Variants in WNT3A observed in about 807,000 individuals in gnomAD.
WNT3A encodes the protein protein Wnt-3a.
Under a neutral mutation model 37.0 loss-of-function variants are expected in WNT3A, and 17 were observed. The observed-to-expected ratio is 0.46, with a 90% confidence interval of 0.31 to 0.69. WNT3A has a LOEUF of 0.69. Among genes scored for constraint, WNT3A ranks in the 30% least tolerant of loss-of-function variants. The pLI is 0.05. For missense variants in WNT3A, 411 were observed against 510.2 expected, an observed-to-expected ratio of 0.81 and a Z score of 1.87; for synonymous variants, 187 against 211.0, an observed-to-expected ratio of 0.89 and a Z score of 0.99.
intron 2 of WNT3A, among the ~76,000 whole-genome samples, chr1:228,036,510 G>A (rs1363436664): frequency 6.6e-6 from 1 of 152,208 alleles, no homozygotes; most frequent in Non-Finnish European, 1.5e-5. Flanking sequence ...GACTGAGGCT[G>A]GGAGAAACCA....
At chr1:228,014,247 C>G (rs1372755204) in intron 1 of WNT3A, among the ~76,000 whole-genome samples, 1 of 152,148 alleles carries the variant, frequency 6.6e-6, no homozygotes, top group African/African-American at 2.4e-5. Context: ...GGTCCATTAC[C>G]CCATTTGACA....
intron 1 of WNT3A, among the ~76,000 whole-genome samples, chr1:228,020,811 G>A (rs1395997036): frequency 3.3e-5 from 5 of 152,138 alleles, no homozygotes. Context: ...GCGAGGTTAT[G>A]CACTCAAATG....
At position 228,060,596 on chromosome 1, in the gene WNT3A, T is replaced by A. The variant is rs962899225; in HGVS notation, c.*1131T>A. 3 of 243,762 alleles carry A rather than the reference T, an allele frequency of 1.2e-5. No individual in the cohort carries two copies. Among genetic ancestry groups the A allele is most frequent in the African/African-American group, 6.8e-5 (3 of 44,144 alleles). 15.1% of individuals were successfully genotyped at this position (243,762 alleles called of 1,614,324 possible). A position where few individuals can be genotyped will look rare whatever the true frequency, so the allele number is the denominator to read the frequency against. On this transcript the variant is annotated 3_prime_UTR_variant, in exon 4 of 4. Coordinates refer to ENST00000284523, the MANE Select transcript of WNT3A (RefSeq NM_033131.4). Reference sequence around the variant, plus strand: ...GGGCTCCCACACCGTCAGGTACTCCTGCCAGGGAACTGGCCTGCTGCGCCC... The same window carrying A: ...GGGCTCCCACACCGTCAGGTACTCCAGCCAGGGAACTGGCCTGCTGCGCCC...
rs1034424957 is a variant in WNT3A, at chr1:228,008,309, TATA to T, written c.71+1116_71+1118del. On this transcript the variant is annotated intron_variant, in intron 1 of 3. Coordinates refer to ENST00000284523, the MANE Select transcript of WNT3A (RefSeq NM_033131.4). This position sits in a 1 kb window ranked among gnomAD's most constrained non-coding sequence, Gnocchi z 4.9. ...TCCTTCTCCGACGGCAGCCTGGAAT[TATA>T]ATAATTACGCCGAGGGGAAGGGGGG... is the stretch of plus-strand genomic sequence containing the variant. Among the ~76,000 whole-genome samples, 8 of 152,182 alleles carry T rather than the reference TATA, an allele frequency of 5.3e-5. No homozygotes were observed. The highest frequency in any genetic ancestry group is 2.9e-5 in the Non-Finnish European group (2 of 68,034).
At chr1:228,023,982 C>T (rs1329598001) in intron 2 of WNT3A, among the ~76,000 whole-genome samples, 1 of 152,090 alleles carries the variant, frequency 6.6e-6, no homozygotes, top group Admixed American at 6.5e-5. Context: ...AGTTTCAGCA[C>T]TTCATTCCTG....
rs2031196103 is a variant in WNT3A, at chr1:228,038,515, C to T, written c.314-12141C>T. Reference sequence around the variant, plus strand: ...TTTGGGGCCACAGTGACCTGCAGGCCCCTGGCCAGTCTGGTCAGGTGGTCC... The same window carrying T: ...TTTGGGGCCACAGTGACCTGCAGGCTCCTGGCCAGTCTGGTCAGGTGGTCC... On this transcript the variant is annotated intron_variant, in intron 2 of 3. Coordinates refer to ENST00000284523, the MANE Select transcript of WNT3A (RefSeq NM_033131.4). This position sits in a 1 kb window ranked among gnomAD's most constrained non-coding sequence, Gnocchi z 5.7. 6.6e-6 allele frequency among the ~76,000 whole-genome samples: 1 copy of T among 152,194 alleles called. No individual in the cohort carries two copies. Among genetic ancestry groups the T allele is most frequent in the South Asian group, 2.1e-4 (1 of 4,834 alleles).
chr1:228,046,170 G>C (rs1441426604), intron 2 of WNT3A, among the ~76,000 whole-genome samples: 1 of 152,258 alleles, frequency 6.6e-6, no homozygotes, highest in Non-Finnish European at 1.5e-5. Flanking sequence ...GAGGTCAGGA[G>C]AGGAGATAGA....
chr1:228,018,054 A>G (rs2030583631), intron 1 of WNT3A, among the ~76,000 whole-genome samples: 1 of 152,218 alleles, frequency 6.6e-6, no homozygotes, highest in Non-Finnish European at 1.5e-5. Context: ...TTCACGTTCC[A>G]AGGTGGGATC....
chr1:228,019,309 A>G (rs1177227556), intron 1 of WNT3A, among the ~76,000 whole-genome samples: 2 of 152,238 alleles, frequency 1.3e-5, no homozygotes, highest in Non-Finnish European at 2.9e-5. Context: ...ACAGCCCCCA[A>G]AATGAATCCA....
chr1:228,046,659 T>TG (rs1274530811), intron 2 of WNT3A, among the ~76,000 whole-genome samples: 3 of 150,184 alleles, frequency 2.0e-5, no homozygotes, highest in Non-Finnish European at 3.0e-5. Context: ...TGTGCATGTG[T>TG]GGGGGGGATG....
At chr1:228,044,552 T>C (rs1438070384) in intron 2 of WNT3A, among the ~76,000 whole-genome samples, 2 of 152,186 alleles carry the variant, frequency 1.3e-5, no homozygotes, top group African/African-American at 4.8e-5. Flanking sequence ...CTCCCGACAA[T>C]TAGATGCAGG....
intron 1 of WNT3A, among the ~76,000 whole-genome samples, 158 bp from the exon 2 acceptor site, chr1:228,022,509 T>A (rs554206182): frequency 6.6e-6 from 1 of 152,234 alleles, no homozygotes; most frequent in African/African-American, 2.4e-5. Context: ...AAGTAAAAAT[T>A]CTCTTACTTG....
intron 1 of WNT3A, among the ~76,000 whole-genome samples, chr1:228,020,691 C>A (rs1329422867): frequency 6.6e-6 from 1 of 152,188 alleles, no homozygotes; most frequent in East Asian, 1.9e-4. Context: ...GGGCAGGATA[C>A]CTGCGTGTAG....
chr1:228,045,793 G>A (rs181963411), intron 2 of WNT3A, among the ~76,000 whole-genome samples: 1 of 152,192 alleles, frequency 6.6e-6, no homozygotes, highest in Non-Finnish European at 1.5e-5. Context: ...GGGTGCCTTA[G>A]AGGGGCAAGG....
chr1:228,059,371 G>A lies in WNT3A; in HGVS notation c.965G>A (p.Arg322Gln), dbSNP rs1211326543. Residue 322 changes from arginine (R) to glutamine (Q), a missense_variant, in exon 4 of 4, where the codon CGG becomes CAG. Transcript: ENST00000284523. ...CGCGGCCACAACGCGCGAGCGGAGC[G>A]GCGCCGGGAGAAGTGCCGCTGCGTG... ...CGRGHNARAE[R>Q]RREKCRCVFH... The A allele has an allele frequency of 4.5e-6, 7 of 1,562,446 alleles. No individual in the cohort carries two copies. Among genetic ancestry groups the A allele is most frequent in the African/African-American group, 1.4e-5 (1 of 73,740 alleles).
chr1:228,043,763 G>C (rs1177895292), intron 2 of WNT3A, among the ~76,000 whole-genome samples: 2 of 152,086 alleles, frequency 1.3e-5, no homozygotes. Flanking sequence ...CAAAGCAATG[G>C]ATTCTCTCTC....
chr1:228,036,274 A>G (rs747987835), intron 2 of WNT3A, among the ~76,000 whole-genome samples: 2 of 152,154 alleles, frequency 1.3e-5, no homozygotes, highest in Non-Finnish European at 2.9e-5. Context: ...GTGTGTGTGC[A>G]CATGTGAGTG....
intron 3 of WNT3A, among the ~76,000 whole-genome samples, chr1:228,055,380 T>G (rs1490344643): frequency 6.7e-6 from 1 of 149,496 alleles, no homozygotes; most frequent in Admixed American, 6.7e-5. Flanking sequence ...AATAGATATG[T>G]AGAGATAAAT....
At chr1:228,035,940 A>G (rs781399482) in intron 2 of WNT3A, among the ~76,000 whole-genome samples, 3 of 152,170 alleles carry the variant, frequency 2.0e-5, no homozygotes, top group Admixed American at 6.5e-5. Context: ...AAATAGGTTT[A>G]AGTAGGAAAG....
Sources: allele counts gnomAD v4.1 joint callset (sites outside exome capture counted in the v4.1 genomes callset), GRCh38; gene constraint gnomAD v4.1.1; non-coding constraint Gnocchi (gnomAD v3.1); transcripts MANE v1.5; gene names NCBI Gene and HGNC (gene_info 2026-07-23, HGNC 2026-07-21).